Variants in TBL1X observed in about 807,000 individuals in gnomAD.
TBL1X encodes the protein F-box-like/WD repeat-containing protein TBL1X.
TBL1X carries 10 observed loss-of-function variants against 50.7 expected under a neutral mutation model. That is an observed-to-expected ratio of 0.20 (90% CI 0.12 to 0.33). The LOEUF is 0.33. Ranked by LOEUF, TBL1X falls within the 10% of genes least tolerant of loss-of-function variation. The probability of loss-of-function intolerance (pLI) is 1.00; values close to 1 mark genes in which losing one functional copy is unlikely to be tolerated. For synonymous variants in TBL1X, 190 were observed against 214.7 expected (o/e 0.88, Z 1.01); for missense variants, 340 against 504.4 (o/e 0.67, Z 3.12).
intron 2 of TBL1X, among the ~76,000 whole-genome samples, chrX:9,608,166 T>C (rs761130944): frequency 1.3e-4 from 14 of 110,689 alleles, no homozygotes; most frequent in African/African-American, 4.6e-4. Context: ...TGGTAGGTTT[T>C]GAGGAACGAG....
intron 2 of TBL1X, among the ~76,000 whole-genome samples, chrX:9,566,042 C>T (rs2082349835): frequency 1.8e-5 from 2 of 112,062 alleles, no homozygotes; most frequent in African/African-American, 6.5e-5. Context: ...TTTGTAAAGA[C>T]TAAAAGTGGT....
At chrX:9,667,124 T>C (rs757289939) in intron 5 of TBL1X, among the ~76,000 whole-genome samples, 62 of 111,279 alleles carry the variant, frequency 5.6e-4, no homozygotes, top group Non-Finnish European at 1.0e-3. Flanking sequence ...TAGCTGGGCG[T>C]GGTGGCGGGC....
At chrX:9,576,695 TAA>T (rs146596930) in intron 2 of TBL1X, among the ~76,000 whole-genome samples, 31 of 72,355 alleles carry the variant, frequency 4.3e-4, no homozygotes, top group East Asian at 1.2e-3. Context: ...AGCACTACAT[TAA>T]AAAAAAAAAA....
Position 9,700,521 on chromosome X carries a change from A to G in TBL1X, c.1114+3092A>G, listed in dbSNP as rs148049652. Among the ~76,000 whole-genome samples, 562 of 111,887 alleles carry G rather than the reference A, an allele frequency of 5.0e-3. 3 individuals carry two copies. The highest frequency in any genetic ancestry group is 0.017 in the African/African-American group (513 of 30,825). ...TCTGGCTGGCCATGAGGTAGACCCA[A>G]TTCCCGTCGGCAGGTCAGACATATC... is the stretch of plus-strand genomic sequence containing the variant. On this transcript the variant is annotated intron_variant, in intron 12 of 17. Coordinates refer to ENST00000645353, the MANE Select transcript of TBL1X (RefSeq NM_005647.4).
At chrX:9,531,394 T>TTG (rs1261493567) in intron 2 of TBL1X, among the ~76,000 whole-genome samples, 10 of 106,617 alleles carry the variant, frequency 9.4e-5, no homozygotes, top group Admixed American at 2.0e-4. Flanking sequence ...TGTGTGTGTG[T>TTG]GTGTGTGTTG....
chrX:9,550,852 C>A (rs1271944127), intron 2 of TBL1X, among the ~76,000 whole-genome samples: 1 of 111,092 alleles, frequency 9.0e-6, no homozygotes, highest in Non-Finnish European at 1.9e-5. Flanking sequence ...CATTTGGCAG[C>A]GTCTGGAGAC....
intron 2 of TBL1X, among the ~76,000 whole-genome samples, chrX:9,555,886 G>T (rs2082295056): frequency 9.0e-6 from 1 of 111,456 alleles, no homozygotes; most frequent in Non-Finnish European, 1.9e-5. Flanking sequence ...GGAGTGGATG[G>T]GAGAATAAAG....
intron 2 of TBL1X, among the ~76,000 whole-genome samples, chrX:9,544,114 A>C (rs767104575): frequency 8.9e-6 from 1 of 111,821 alleles, no homozygotes; most frequent in African/African-American, 3.3e-5. Context: ...TATCCCAAGA[A>C]ATGTGTGTAA....
At chrX:9,534,864 C>G (rs1253920208) in intron 2 of TBL1X, 1 of 111,234 alleles carries the variant, frequency 9.0e-6, no homozygotes, top group African/African-American at 3.3e-5. Context: ...ACAATGTACC[C>G]TCTGAACAAC....
At chrX:9,524,264 G>A (rs946573133) in intron 2 of TBL1X, among the ~76,000 whole-genome samples, 9 of 111,784 alleles carry the variant, frequency 8.1e-5, no homozygotes, top group African/African-American at 1.6e-4. Flanking sequence ...CAGTGTGCCC[G>A]GCCTATTTTA....
intron 5 of TBL1X, among the ~76,000 whole-genome samples, chrX:9,660,209 G>A (rs186584996): frequency 4.1e-4 from 46 of 112,523 alleles, no homozygotes; most frequent in African/African-American, 1.2e-3. Flanking sequence ...AAAACCCAGC[G>A]AAGTATTTCC....
chrX:9,546,255 T>C (rs1393766978), intron 2 of TBL1X, among the ~76,000 whole-genome samples: 2 of 112,305 alleles, frequency 1.8e-5, no homozygotes, highest in Non-Finnish European at 3.8e-5. Flanking sequence ...GACTCACGCC[T>C]GTAATACCAA....
chrX:9,560,430 G>A (rs2082319486), intron 2 of TBL1X: 1 of 112,216 alleles, frequency 8.9e-6, no homozygotes, highest in Admixed American at 9.5e-5. Flanking sequence ...TAGAGTGACA[G>A]GATCTGTTCG....
intron 2 of TBL1X, among the ~76,000 whole-genome samples, chrX:9,580,195 A>G (rs1315615452): frequency 8.9e-6 from 1 of 111,798 alleles, no homozygotes; most frequent in Non-Finnish European, 1.9e-5. Flanking sequence ...GACGGGTCTC[A>G]ATCAATTTAG....
chrX:9,507,047 C>G lies in TBL1X; in HGVS notation c.-131+5198C>G, dbSNP rs970446717. ...AACTGGTACAAAACAAGGATGCCCT[C>G]TCTCACCACTCCTATTCAACATAGT... On this transcript the variant is annotated intron_variant, in intron 2 of 17. Transcript: ENST00000645353. Among the ~76,000 whole-genome samples, 4 of 112,126 alleles carry G rather than the reference C, an allele frequency of 3.6e-5. No individual in the cohort carries two copies. The South Asian group carries it at 1.1e-3, about 31-fold the overall frequency.
intron 2 of TBL1X, among the ~76,000 whole-genome samples, chrX:9,551,555 C>A (rs2082271114): frequency 1.8e-5 from 2 of 111,159 alleles, no homozygotes; most frequent in South Asian, 7.7e-4. Flanking sequence ...GCTTATGTTG[C>A]AAGGTCCCCC....
intron 2 of TBL1X, among the ~76,000 whole-genome samples, chrX:9,569,857 A>ATG (rs968874407): frequency 8.9e-6 from 1 of 112,515 alleles, no homozygotes; most frequent in African/African-American, 3.2e-5. Context: ...CATAAAGACA[A>ATG]TGCAGGGTTT....
chrX:9,495,288 C>G (rs1294855445), intron 1 of TBL1X, among the ~76,000 whole-genome samples: 1 of 111,213 alleles, frequency 9.0e-6, no homozygotes, highest in Non-Finnish European at 1.9e-5. Context: ...CAGGAATTGT[C>G]GAGGGCGGAG....
chrX:9,624,788 A>T (rs1601801561), intron 2 of TBL1X, among the ~76,000 whole-genome samples: 1 of 111,725 alleles, frequency 9.0e-6, no homozygotes, highest in Admixed American at 9.5e-5. Context: ...CGTATAACTA[A>T]ATGTGGCAAG....
Sources: allele counts gnomAD v4.1 joint callset (sites outside exome capture counted in the v4.1 genomes callset), GRCh38; gene constraint gnomAD v4.1.1; transcripts MANE v1.5; gene names NCBI Gene and HGNC (gene_info 2026-07-23, HGNC 2026-07-21).